The following SLC71A2 variants were observed in gnomAD, a reference collection of about 807,000 sequenced individuals.
SLC71A2 encodes the protein solute carrier family 71 member 2.
chr9:94,382,423 T>C, the SLC71A2 span, among the ~76,000 whole-genome samples: 1 of 151,998 alleles, frequency 6.6e-6, no homozygotes, highest in African/African-American at 2.4e-5. Context: ...GGTTGTTTTC[T>C]TGTAATTGAG....
At chr9:94,460,733 T>C in the SLC71A2 span, 2 of 152,510 alleles carry the variant, frequency 1.3e-5, no homozygotes, top group Admixed American at 6.6e-5. Context: ...ATAAATGTAA[T>C]GAAGGTATTG....
chr9:94,398,304 G>GA, the SLC71A2 span, among the ~76,000 whole-genome samples: 2 of 150,698 alleles, frequency 1.3e-5, no homozygotes, highest in African/African-American at 5.0e-5. Flanking sequence ...ATGAGATGCA[G>GA]ATGAACTGGG....
chr9:94,400,082 A>G, the SLC71A2 span, among the ~76,000 whole-genome samples: 1 of 152,054 alleles, frequency 6.6e-6, no homozygotes, highest in Non-Finnish European at 1.5e-5. Flanking sequence ...AAGTTCTGGG[A>G]TTACACCCAG....
At chr9:94,386,563 T>G in the SLC71A2 span, among the ~76,000 whole-genome samples, 1 of 152,040 alleles carries the variant, frequency 6.6e-6, no homozygotes, top group Non-Finnish European at 1.5e-5. Flanking sequence ...TTGAAGTGGA[T>G]CTTCTGCAGA....
the SLC71A2 span, among the ~76,000 whole-genome samples, chr9:94,455,432 C>G: frequency 8.6e-6 from 1 of 116,018 alleles, no homozygotes; most frequent in Non-Finnish European, 1.6e-5. Context: ...CCATGCTGGT[C>G]TTGAACTCCT....
At chr9:94,408,855 G>A in the SLC71A2 span, among the ~76,000 whole-genome samples, 7 of 137,572 alleles carry the variant, frequency 5.1e-5, no homozygotes, top group East Asian at 4.0e-4. Flanking sequence ...ACGGAGTCTC[G>A]CTCTGTCACC....
At chr9:94,404,030 T>G in the SLC71A2 span, among the ~76,000 whole-genome samples, 3 of 152,310 alleles carry the variant, frequency 2.0e-5, no homozygotes, top group South Asian at 2.1e-4. Flanking sequence ...GGGCTCATCC[T>G]CTTTTGCCCT....
At chr9:94,415,159 T>G in the SLC71A2 span, 1 of 1,611,234 alleles carries the variant, frequency 6.2e-7, no homozygotes, top group Non-Finnish European at 8.5e-7. Flanking sequence ...CTTTTTTAGC[T>G]ACAAGGCTTT....
chr9:94,440,998 A>C, the SLC71A2 span: 1 of 1,609,050 alleles, frequency 6.2e-7, no homozygotes, highest in Admixed American at 1.7e-5. Context: ...GTATTTTGCG[A>C]TGATTTCTGT....
At chr9:94,448,308 C>T in the SLC71A2 span, among the ~76,000 whole-genome samples, 8 of 152,176 alleles carry the variant, frequency 5.3e-5, no homozygotes, top group African/African-American at 1.9e-4. Context: ...AAAATTTATA[C>T]CCTATTTTGT....
At chr9:94,429,469 T>C in the SLC71A2 span, among the ~76,000 whole-genome samples, 1 of 152,074 alleles carries the variant, frequency 6.6e-6, no homozygotes, top group Non-Finnish European at 1.5e-5. Context: ...GTGAATACTC[T>C]ATAGGCCTAA....
chr9:94,401,338 A>AT, the SLC71A2 span, among the ~76,000 whole-genome samples: 1 of 151,802 alleles, frequency 6.6e-6, no homozygotes, highest in Non-Finnish European at 1.5e-5. Context: ...CAACCAGCAA[A>AT]TTTTTTTGTA....
At chr9:94,399,944 T>C in the SLC71A2 span, among the ~76,000 whole-genome samples, 1 of 152,250 alleles carries the variant, frequency 6.6e-6, no homozygotes, top group East Asian at 1.9e-4. Context: ...TAGCTGGGAT[T>C]ACAGGCGTGT....
the SLC71A2 span, among the ~76,000 whole-genome samples, chr9:94,405,919 C>G: frequency 6.7e-6 from 1 of 149,968 alleles, no homozygotes; most frequent in African/African-American, 2.5e-5. Context: ...TCTTTAAATC[C>G]ATGAACATGG....
At chr9:94,443,960 C>A in the SLC71A2 span, among the ~76,000 whole-genome samples, 1 of 151,960 alleles carries the variant, frequency 6.6e-6, no homozygotes, top group Non-Finnish European at 1.5e-5. Flanking sequence ...TCTTTTTTCC[C>A]CTCCAAAAAT....
At chr9:94,444,470 C>T in the SLC71A2 span, among the ~76,000 whole-genome samples, 1 of 152,154 alleles carries the variant, frequency 6.6e-6, no homozygotes, top group Admixed American at 6.5e-5. Flanking sequence ...AATGAAATGA[C>T]CACCAAATGA....
the SLC71A2 span, among the ~76,000 whole-genome samples, chr9:94,382,465 A>C: frequency 6.6e-6 from 1 of 152,066 alleles, no homozygotes; most frequent in Admixed American, 6.6e-5. Flanking sequence ...TTGGGATGCA[A>C]GTCCCTCGTC....
the SLC71A2 span, among the ~76,000 whole-genome samples, chr9:94,452,854 A>C: frequency 6.6e-6 from 1 of 151,596 alleles, no homozygotes; most frequent in African/African-American, 2.4e-5. Flanking sequence ...TATTGTCCTT[A>C]AATTAATTCA....
the SLC71A2 span, among the ~76,000 whole-genome samples, chr9:94,420,175 T>C: frequency 6.6e-6 from 1 of 152,156 alleles, no homozygotes; most frequent in African/African-American, 2.4e-5. Flanking sequence ...GTCAACCGAT[T>C]TGGGGAGAGC....
Sources: allele counts gnomAD v4.1 joint callset (sites outside exome capture counted in the v4.1 genomes callset), GRCh38; gene constraint gnomAD v4.1.1; transcripts MANE v1.5; gene names NCBI Gene and HGNC (gene_info 2026-07-23, HGNC 2026-07-21).